Variants in ANAPC15 observed in about 807,000 individuals in gnomAD.
ANAPC15 encodes the protein anaphase promoting complex subunit 15.
ANAPC15 carries 13 observed loss-of-function variants against 19.8 expected under a neutral mutation model. The observed-to-expected ratio is 0.66, with a 90% CI of 0.43 to 1.04. ANAPC15 has a LOEUF of 1.04. ANAPC15 is among the 50% of genes least tolerant of loss of function. ANAPC15 has a pLI of 0.00. For missense variants in ANAPC15, 88 were observed against 150.3 expected, an observed-to-expected ratio of 0.59 and a Z score of 2.17; for synonymous variants, 45 against 50.7, an observed-to-expected ratio of 0.89 and a Z score of 0.47.
intron 1 of ANAPC15, 37 bp from the exon 2 acceptor site, chr11:72,111,533 A>G (rs1351660679): frequency 5.8e-6 from 2 of 347,542 alleles, no homozygotes; most frequent in Non-Finnish European, 1.1e-5. Flanking sequence ...TACCACTGTC[A>G]AAGTTATTCT....
intron 3 of ANAPC15, 107 bp from the exon 4 acceptor site, chr11:72,110,710 A>C: frequency 1.7e-6 from 2 of 1,205,736 alleles, no homozygotes; most frequent in South Asian, 2.7e-5. Context: ...TGTTGGGGAG[A>C]AGCTTCCTCC....
At chr11:72,108,048 G>A (rs771779785), downstream of ANAPC15, 10 of 1,551,060 alleles carry the variant, frequency 6.4e-6, no homozygotes, top group Admixed American at 1.4e-4. Flanking sequence ...CCTTCTTACT[G>A]TGGAGCGGGA....
rs1946838094 is a variant in ANAPC15 at position 72,111,282 on chromosome 11, C to A, written c.-6G>T. On this transcript the variant is annotated 5_prime_UTR_variant, in exon 3 of 6. The change creates a new upstream start codon in the 5' untranslated region. Coordinates refer to ENST00000227618, the MANE Select transcript of ANAPC15 (RefSeq NM_014042.3). Reference sequence around the variant, plus strand: ...GAGGGGAACAAAGTGGACATGGCTCCTAGACTGAGGGAAAGGGTCAAGTGA... The same window carrying A: ...GAGGGGAACAAAGTGGACATGGCTCATAGACTGAGGGAAAGGGTCAAGTGA... The A allele has an allele frequency of 2.5e-6, 4 of 1,605,366 alleles. No homozygotes were observed. The East Asian group carries it at 8.9e-5, about 36-fold the overall frequency.
In ANAPC15 at chr11:72,111,055, G is replaced by C; in HGVS notation, c.120+102C>G. 4.7e-6 allele frequency: 4 copies of C among 844,436 alleles called. No individual in the cohort carries two copies. The South Asian group carries it at 6.4e-5, about 14-fold the overall frequency. 52.3% of individuals were successfully genotyped at this position (844,436 alleles called of 1,614,324 possible). ...GATTATTCCCAGCTCAGGGCAAAAAGCTCTTCCTGGGTAGATTTCTGGAGT... is the reference window on the plus strand; with the variant it reads ...GATTATTCCCAGCTCAGGGCAAAAACCTCTTCCTGGGTAGATTTCTGGAGT... On this transcript the variant is annotated intron_variant, in intron 3 of 5. Transcript: ENST00000227618.
chr11:72,109,647 T>C lies in ANAPC15; in HGVS notation c.*234A>G, dbSNP rs1946157326. ...TAGACCAGACCTGGCAATCAAGGGG[T>C]GAGGTACTGGCCAGGAAGGTGGAGT... On this transcript the variant is annotated 3_prime_UTR_variant, in exon 6 of 6. Transcript: ENST00000227618. 5 of 603,840 alleles carry C rather than the reference T, an allele frequency of 8.3e-6. No homozygotes were observed. The allele number at this position is 603,840 out of a possible 1,614,324, so 37.4% of individuals were successfully genotyped here.
intron 4 of ANAPC15, 72 bp downstream of exon 4, chr11:72,110,472 A>G: frequency 3.8e-6 from 6 of 1,596,914 alleles, no homozygotes; most frequent in Non-Finnish European, 5.1e-6. Context: ...CAGAGACAGG[A>G]CATTCAGAAT....
At position 72,111,247 on chromosome 11, in the gene ANAPC15, AG is replaced by A. The variant is rs1396831682; in HGVS notation, c.29del (p.Pro10LeufsTer3). 6.2e-7 allele frequency: 1 copy of A among 1,614,030 alleles called. No homozygotes were observed. Among genetic ancestry groups the A allele is most frequent in the Non-Finnish European group, 8.5e-7 (1 of 1,179,878 alleles). On this transcript the variant is annotated frameshift_variant, in exon 3 of 6. Coordinates refer to ENST00000227618, the MANE Select transcript of ANAPC15 (RefSeq NM_014042.3). LOFTEE classifies it high-confidence loss of function. MSTLFPSLF[P>X]RVTETLWFNL... is the part of the protein sequence containing the mutation. ...TAAACCACAGAGTCTCAGTCACACG[AG>A]GGAAGAGTGAGGGGAACAAAGTGGA...
Position 72,111,163 on chromosome 11 carries a change from C to G in ANAPC15, c.114G>C (p.Gln38His). 2 of 1,593,030 alleles carry G rather than the reference C, an allele frequency of 1.3e-6. No homozygotes were observed. The highest frequency in any genetic ancestry group is 1.7e-4 in the Middle Eastern group (1 of 5,906). Reference protein sequence around the residue: ...TELQQQEQQHQAWLQSIAEKD... With the variant: ...TELQQQEQQHHAWLQSIAEKD... ...GTGCTAGCTGCTCACTCACCCAGGC[C>G]TGATGCTGCTGTTCCTGCTGCTGCA... is the stretch of plus-strand genomic sequence containing the variant. The change falls in exon 3 of 6, where the codon CAG (glutamine) becomes CAC (histidine). Residue 38 changes from glutamine to histidine, a missense_variant. Transcript: ENST00000227618.
downstream of ANAPC15, chr11:72,107,502 T>C (rs376490919): frequency 1.0e-5 from 7 of 702,958 alleles, no homozygotes; most frequent in African/African-American, 7.0e-5. Flanking sequence ...CAGCCACATA[T>C]ACACATGTGG....
chr11:72,110,469 A>T (rs912805774), intron 4 of ANAPC15, 75 bp downstream of exon 4: 2 of 1,594,898 alleles, frequency 1.3e-6, no homozygotes, highest in South Asian at 2.2e-5. Flanking sequence ...GGTCAGAGAC[A>T]GGACATTCAG....
downstream of ANAPC15, chr11:72,108,458 T>G (rs1945953092): frequency 1.5e-6 from 1 of 665,388 alleles, no homozygotes; most frequent in African/African-American, 1.8e-5. Flanking sequence ...GATCCTGACT[T>G]CTTAGGTTCT....
At chr11:72,112,104 C>A (rs191966810) in intron 1 of ANAPC15, 1 of 153,136 alleles carries the variant, frequency 6.5e-6, no homozygotes, top group Non-Finnish European at 1.5e-5. Flanking sequence ...AGAAAATAAT[C>A]GATGCCTGGT....
Position 72,111,232 on chromosome 11 carries a change from A to G in ANAPC15, c.45T>C (p.Thr15=). Residue 15 remains threonine, a synonymous_variant, in exon 3 of 6, where the codon ACT becomes ACC. Coordinates refer to ENST00000227618, the MANE Select transcript of ANAPC15 (RefSeq NM_014042.3). ...FPSLFPRVTE[T]LWFNLDRPCV... is the part of the protein sequence containing the mutation. ...AGGGTCGATCCAGATTAAACCACAG[A>G]GTCTCAGTCACACGAGGGAAGAGTG... is the stretch of plus-strand genomic sequence containing the variant. 6.2e-7 allele frequency: 1 copy of G among 1,614,126 alleles called. No individual in the cohort carries two copies. The highest frequency in any genetic ancestry group is 1.1e-5 in the South Asian group (1 of 91,076).
In ANAPC15 at chr11:72,111,032, T is replaced by G. The variant is rs1307884063; in HGVS notation, c.120+125A>C. 7 of 724,960 alleles carry G rather than the reference T, an allele frequency of 9.7e-6. No homozygotes were observed. In the East Asian group the frequency reaches 1.8e-4, roughly 18 times the overall value. 44.9% of individuals were successfully genotyped at this position (724,960 alleles called of 1,614,324 possible). ...CTTGGCTCCCTGGCTCCCAGCCCGA[T>G]TATTCCCAGCTCAGGGCAAAAAGCT... is the stretch of plus-strand genomic sequence containing the variant. On this transcript the variant is annotated intron_variant, in intron 3 of 5. Coordinates refer to ENST00000227618, the MANE Select transcript of ANAPC15 (RefSeq NM_014042.3).
intron 3 of ANAPC15, 41 bp downstream of exon 3, chr11:72,111,116 T>C (rs555468982): frequency 4.0e-5 from 55 of 1,369,542 alleles, no homozygotes; most frequent in Middle Eastern, 2.2e-4. Flanking sequence ...GAGGTCTCTG[T>C]CTGTGCTGAG....
At chr11:72,111,085 C>A in intron 3 of ANAPC15, 72 bp downstream of exon 3, 2 of 994,726 alleles carry the variant, frequency 2.0e-6, no homozygotes, top group Non-Finnish European at 3.0e-6. Context: ...TGGAGTAAGG[C>A]TGGGTCATGG....
downstream of ANAPC15, chr11:72,109,131 CCT>C (rs1163160263): frequency 3.5e-6 from 2 of 577,980 alleles, no homozygotes; most frequent in African/African-American, 1.9e-5. Flanking sequence ...CACTAGGCCC[CCT>C]CTTTCCAGAG....
chr11:72,107,764 A>C (rs1396680102), downstream of ANAPC15, among the ~76,000 whole-genome samples: 1 of 152,156 alleles, frequency 6.6e-6, no homozygotes, highest in East Asian at 1.9e-4. Context: ...ACTGTAGGAG[A>C]CGGGGACCAG....
In ANAPC15 at chr11:72,111,291, G is replaced by A. The variant is rs915604324; in HGVS notation, c.-10-5C>T. The A allele has an allele frequency of 5.0e-6, 8 of 1,587,988 alleles. No individual in the cohort carries two copies. Among genetic ancestry groups the A allele is most frequent in the Non-Finnish European group, 6.9e-6 (8 of 1,157,570 alleles). ...AAAGTGGACATGGCTCCTAGACTGA[G>A]GGAAAGGGTCAAGTGAATGTGTTTT... On this transcript the variant is annotated splice_polypyrimidine_tract_variant and splice_region_variant and intron_variant, in intron 2 of 5. Coordinates refer to ENST00000227618, the MANE Select transcript of ANAPC15 (RefSeq NM_014042.3).
Sources: allele counts gnomAD v4.1 joint callset (sites outside exome capture counted in the v4.1 genomes callset), GRCh38; gene constraint gnomAD v4.1.1; transcripts MANE v1.5; gene names NCBI Gene and HGNC (gene_info 2026-07-23, HGNC 2026-07-21).